The following UGT1A10 variants were observed in gnomAD, a reference collection of about 807,000 sequenced individuals.
UGT1A10 encodes the protein UDP-glucuronosyltransferase 1A10.
In UGT1A10, 49 loss-of-function variants were observed where a neutral mutation model predicts 45.8. That is an observed-to-expected ratio of 1.07 (90% CI 0.85 to 1.36). UGT1A10 has a LOEUF of 1.36. Among genes scored for constraint, UGT1A10 ranks in the 40% most tolerant of loss-of-function variants. The pLI is 0.00. For synonymous variants in UGT1A10, 284 were observed against 249.7 expected (o/e 1.14, Z -1.29); for missense variants, 745 against 668.6 (o/e 1.11, Z -1.26).
chr2:233,725,909 C>T (rs2077482916), intron 1 of UGT1A10, among the ~76,000 whole-genome samples: 1 of 152,102 alleles, frequency 6.6e-6, no homozygotes, highest in Admixed American at 6.5e-5. Flanking sequence ...CTCACACCTG[C>T]AATTTCAGCC....
intron 1 of UGT1A10, chr2:233,755,156 G>A: frequency 7.7e-7 from 1 of 1,294,130 alleles, no homozygotes; most frequent in Middle Eastern, 2.2e-4. Context: ...CTTCCTCCCT[G>A]TCCTCGGGGT....
At chr2:233,708,017 T>C (rs1188075129) in intron 1 of UGT1A10, among the ~76,000 whole-genome samples, 1 of 152,118 alleles carries the variant, frequency 6.6e-6, no homozygotes, top group Non-Finnish European at 1.5e-5. Flanking sequence ...TTCTGGATAC[T>C]AGTTCTTTGG....
At chr2:233,719,039 A>T in intron 1 of UGT1A10, 2 of 1,614,110 alleles carry the variant, frequency 1.2e-6, no homozygotes, top group Non-Finnish European at 1.7e-6. Context: ...AAGAAGAGAA[A>T]TTTTTCACCC....
intron 1 of UGT1A10, among the ~76,000 whole-genome samples, chr2:233,646,584 C>G (rs756652844): frequency 2.0e-5 from 3 of 152,180 alleles, no homozygotes; most frequent in African/African-American, 7.2e-5. Context: ...CAAAGTTCCA[C>G]AAATCACTAG....
intron 1 of UGT1A10, chr2:233,747,473 T>G: frequency 1.4e-5 from 23 of 1,608,772 alleles, no homozygotes; most frequent in Non-Finnish European, 1.9e-5. Flanking sequence ...GGACCCAGGA[T>G]GAATTTGATC....
chr2:233,638,131 C>A (rs2073351104), intron 1 of UGT1A10, among the ~76,000 whole-genome samples: 1 of 152,280 alleles, frequency 6.6e-6, no homozygotes, highest in South Asian at 2.1e-4. Context: ...ATTGAGAAGA[C>A]TGGCATCTTT....
intron 1 of UGT1A10, among the ~76,000 whole-genome samples, chr2:233,640,850 AG>A (rs1193155356): frequency 6.6e-6 from 1 of 152,104 alleles, no homozygotes; most frequent in Non-Finnish European, 1.5e-5. Context: ...TTGCTATGTC[AG>A]GGGGGAAATG....
At chr2:233,744,245 C>T (rs1692747856) in intron 1 of UGT1A10, among the ~76,000 whole-genome samples, 1 of 151,742 alleles carries the variant, frequency 6.6e-6, no homozygotes, top group Non-Finnish European at 1.5e-5. Flanking sequence ...ACTTTGGCTG[C>T]CTGAAGAACT....
chr2:233,755,915 AGTGGC>A (rs1696065119), intron 1 of UGT1A10: 1 of 150,558 alleles, frequency 6.6e-6, no homozygotes, highest in Non-Finnish European at 1.5e-5. Flanking sequence ...TAGTGAGAAG[AGTGGC>A]ATCGTTTTAC....
At chr2:233,725,897 G>A (rs2077482523) in intron 1 of UGT1A10, among the ~76,000 whole-genome samples, 1 of 152,122 alleles carries the variant, frequency 6.6e-6, no homozygotes, top group Admixed American at 6.5e-5. Flanking sequence ...GCAGGTGGGT[G>A]GCTCACACCT....
intron 1 of UGT1A10, among the ~76,000 whole-genome samples, chr2:233,638,291 A>G (rs1189706245): frequency 6.6e-6 from 1 of 152,168 alleles, no homozygotes; most frequent in African/African-American, 2.4e-5. Context: ...TTTAGAAACT[A>G]TTTTGTACAG....
intron 1 of UGT1A10, chr2:233,713,807 C>G: frequency 3.1e-6 from 5 of 1,614,092 alleles, no homozygotes; most frequent in Non-Finnish European, 4.2e-6. Context: ...TCATGCCCAA[C>G]ATGGTCTTCA....
At chr2:233,642,904 C>G (rs1045890738) in intron 1 of UGT1A10, among the ~76,000 whole-genome samples, 2 of 152,140 alleles carry the variant, frequency 1.3e-5, no homozygotes, top group Non-Finnish European at 2.9e-5. Context: ...CTCTCTCTCT[C>G]TGTCTCTCTC....
intron 1 of UGT1A10, chr2:233,708,796 T>G (rs1300291034): frequency 6.6e-6 from 1 of 151,050 alleles, no homozygotes; most frequent in African/African-American, 2.4e-5. Context: ...ATCACTTTAT[T>G]TGGGCAACTT....
intron 1 of UGT1A10, among the ~76,000 whole-genome samples, chr2:233,710,298 G>T (rs546531335): frequency 5.9e-5 from 9 of 152,282 alleles, no homozygotes; most frequent in African/African-American, 2.2e-4. Context: ...GGATTGTTGG[G>T]TTGCATGGTA....
chr2:233,747,124 G>A, intron 1 of UGT1A10: 2 of 1,489,224 alleles, frequency 1.3e-6, no homozygotes, highest in Non-Finnish European at 1.8e-6. Flanking sequence ...TTTGCTAAGT[G>A]GCTCAGTGAC....
At chr2:233,734,338 G>T (rs2078513080) in intron 1 of UGT1A10, among the ~76,000 whole-genome samples, 1 of 152,096 alleles carries the variant, frequency 6.6e-6, no homozygotes, top group Non-Finnish European at 1.5e-5. Context: ...TTCTCTGATG[G>T]TAGTTTGTAT....
intron 1 of UGT1A10, among the ~76,000 whole-genome samples, chr2:233,706,902 A>C (rs1389391522): frequency 6.6e-6 from 1 of 152,198 alleles, no homozygotes; most frequent in Non-Finnish European, 1.5e-5. Flanking sequence ...GGCATTTTAC[A>C]ATCCTAGCTG....
intron 1 of UGT1A10, chr2:233,713,950 C>A (rs1250435794): frequency 3.7e-6 from 6 of 1,608,844 alleles, no homozygotes; most frequent in Admixed American, 1.7e-5. Context: ...ATCTACTTAT[C>A]TTTCCAAAGA....
Sources: gnomAD v4.1 joint callset for allele counts (sites outside exome capture counted in the v4.1 genomes callset) on GRCh38, gnomAD v4.1.1 for gene constraint, MANE v1.5 for transcripts, NCBI Gene and HGNC (gene_info 2026-07-23, HGNC 2026-07-21) for gene names.